Variants in LINGO2 observed in about 807,000 individuals in gnomAD.
LINGO2 encodes leucine-rich repeat and immunoglobulin-like domain-containing nogo receptor-interacting protein 2.
Under a neutral mutation model 30.6 loss-of-function variants are expected in LINGO2, and 14 were observed. The ratio of observed to expected loss-of-function variants is 0.46; its 90% CI spans 0.30 to 0.72. The LOEUF is 0.72. Among genes scored for constraint, LINGO2 ranks in the 30% least tolerant of loss-of-function variants. The pLI is 0.07. For synonymous variants in LINGO2, 317 were observed against 288.5 expected (o/e 1.10, Z -1.00); for missense variants, 729 against 751.7 (o/e 0.97, Z 0.35).
chr9:28,810,916 G>A, the LINGO2 span, among the ~76,000 whole-genome samples: 1 of 151,972 alleles, frequency 6.6e-6, no homozygotes, highest in Non-Finnish European at 1.5e-5. Flanking sequence ...AGGGCTTTGT[G>A]TTTGTTCTTC....
intron 4 of LINGO2, among the ~76,000 whole-genome samples, chr9:28,242,464 T>G (rs1486754250): frequency 2.6e-5 from 4 of 152,026 alleles, no homozygotes; most frequent in Non-Finnish European, 5.9e-5. Flanking sequence ...CTGAGAAATA[T>G]GGGCCTATGT....
chr9:28,282,480 T>C (rs979023632), intron 4 of LINGO2, among the ~76,000 whole-genome samples: 1 of 152,056 alleles, frequency 6.6e-6, no homozygotes, highest in Admixed American at 6.6e-5. Context: ...TTCTATTTGA[T>C]GAAAGATCAG....
chr9:29,109,736 A>G, the LINGO2 span, among the ~76,000 whole-genome samples: 1 of 152,240 alleles, frequency 6.6e-6, no homozygotes, highest in Admixed American at 6.5e-5. Context: ...ACCTTTTGCA[A>G]CGCATAGAGT....
At chr9:28,909,208 C>A in the LINGO2 span, among the ~76,000 whole-genome samples, 1 of 151,734 alleles carries the variant, frequency 6.6e-6, no homozygotes, top group African/African-American at 2.4e-5. Flanking sequence ...GCCAGACATG[C>A]AAATATGTCA....
At chr9:29,137,235 CT>C in the LINGO2 span, among the ~76,000 whole-genome samples, 2 of 152,096 alleles carry the variant, frequency 1.3e-5, no homozygotes, top group African/African-American at 4.8e-5. Flanking sequence ...TAAGTAGGGA[CT>C]TTTCCCCTTT....
chr9:28,312,720 T>G (rs1290977834), intron 3 of LINGO2, among the ~76,000 whole-genome samples: 2 of 152,172 alleles, frequency 1.3e-5, no homozygotes, highest in Non-Finnish European at 2.9e-5. Context: ...TTTAATAGTT[T>G]TATTAGCATA....
At chr9:27,998,307 A>G (rs1821771778) in intron 5 of LINGO2, among the ~76,000 whole-genome samples, 2 of 152,184 alleles carry the variant, frequency 1.3e-5, no homozygotes, top group African/African-American at 2.4e-5. Flanking sequence ...CTGCCATGTA[A>G]AAATGCCAAC....
intron 1 of LINGO2, among the ~76,000 whole-genome samples, chr9:28,528,874 T>TA (rs1219383734): frequency 7.9e-5 from 12 of 152,106 alleles, no homozygotes; most frequent in African/African-American, 2.7e-4. Context: ...AGTTTTGTCA[T>TA]AAAAAATCAA....
At chr9:28,908,685 A>T in the LINGO2 span, among the ~76,000 whole-genome samples, 1 of 151,934 alleles carries the variant, frequency 6.6e-6, no homozygotes, top group Admixed American at 6.6e-5. Context: ...TAATATTCAC[A>T]ATCTATTTTA....
rs190916585 is a variant in LINGO2, at chr9:27,958,903, G to A, written c.-35-8197C>T. On this transcript the variant is annotated intron_variant, in intron 5 of 5. Transcript: ENST00000379992. The stretch of plus-strand genomic sequence containing the variant: ...AAAATATTTGGCAGAACTTACCTGC[G>A]AATCCAAACAGACCCTAGAATTTCT... Among the ~76,000 whole-genome samples, 488 of 152,152 alleles carry A rather than the reference G, an allele frequency of 3.2e-3. 3 individuals carry two copies. The highest frequency in any genetic ancestry group is 0.027 in the Middle Eastern group (8 of 294).
intron 4 of LINGO2, among the ~76,000 whole-genome samples, chr9:28,286,866 C>T (rs545686805): frequency 1.3e-5 from 2 of 152,220 alleles, no homozygotes; most frequent in African/African-American, 4.8e-5. Flanking sequence ...TGGTACTAGA[C>T]TTAACACCTG....
chr9:29,159,674 C>T, the LINGO2 span, among the ~76,000 whole-genome samples: 9 of 151,982 alleles, frequency 5.9e-5, no homozygotes, highest in East Asian at 5.9e-4. Context: ...CTAGCCAACA[C>T]GGGGAAACCC....
At chr9:28,104,266 G>GTTTTT (rs74180789) in intron 4 of LINGO2, among the ~76,000 whole-genome samples, 60 of 97,340 alleles carry the variant, frequency 6.2e-4, no homozygotes, top group South Asian at 1.6e-3. Context: ...TTTTTTGTTT[G>GTTTTT]TTTTTTTTTT....
At chr9:28,548,393 A>G (rs1822065349) in intron 1 of LINGO2, among the ~76,000 whole-genome samples, 1 of 152,060 alleles carries the variant, frequency 6.6e-6, no homozygotes, top group Non-Finnish European at 1.5e-5. Flanking sequence ...CCTGAACACC[A>G]CATTACATTT....
At chr9:28,628,504 T>C (rs1419243830) in intron 1 of LINGO2, among the ~76,000 whole-genome samples, 1 of 152,120 alleles carries the variant, frequency 6.6e-6, no homozygotes, top group Non-Finnish European at 1.5e-5. Context: ...CTCAGTACTT[T>C]ATACTTTGCA....
At chr9:28,309,577 TATA>T (rs1229265516) in intron 3 of LINGO2, among the ~76,000 whole-genome samples, 1 of 151,342 alleles carries the variant, frequency 6.6e-6, no homozygotes, top group Non-Finnish European at 1.5e-5. Context: ...AAAGTTAAAG[TATA>T]ATAATAATAA....
chr9:29,129,014 T>G, the LINGO2 span, among the ~76,000 whole-genome samples: 41 of 152,174 alleles, frequency 2.7e-4, no homozygotes, highest in Non-Finnish European at 4.6e-4. Context: ...TATTTTTGTC[T>G]AGGTTTAATA....
chr9:28,092,241 G>T (rs1826113055), intron 4 of LINGO2, among the ~76,000 whole-genome samples: 1 of 152,056 alleles, frequency 6.6e-6, no homozygotes, highest in Admixed American at 6.6e-5. Flanking sequence ...AAAGACACAT[G>T]CACACGTATT....
the LINGO2 span, among the ~76,000 whole-genome samples, chr9:28,795,408 G>A: frequency 5.9e-5 from 9 of 152,016 alleles, no homozygotes; most frequent in Admixed American, 3.3e-4. Flanking sequence ...AAAAAGCAGC[G>A]TTAGATTCTA....
Sources: allele counts gnomAD v4.1 joint callset (sites outside exome capture counted in the v4.1 genomes callset), GRCh38; gene constraint gnomAD v4.1.1; transcripts MANE v1.5; gene names NCBI Gene and HGNC (gene_info 2026-07-23, HGNC 2026-07-21).